Variants in FGD1 observed in about 807,000 individuals in gnomAD.
FGD1 encodes FYVE, RhoGEF and PH domain-containing protein 1.
Under a neutral mutation model 65.0 loss-of-function variants are expected in FGD1, and 12 were observed. The ratio of observed to expected loss-of-function variants is 0.18; its 90% CI spans 0.12 to 0.30. FGD1 has a LOEUF of 0.30. FGD1 is among the 10% of genes least tolerant of loss of function. The probability of loss-of-function intolerance (pLI) is 1.00; values close to 1 mark genes in which losing one functional copy is unlikely to be tolerated. For missense variants in FGD1, 542 were observed against 837.6 expected, an observed-to-expected ratio of 0.65 and a Z score of 4.36; for synonymous variants, 333 against 343.9, an observed-to-expected ratio of 0.97 and a Z score of 0.35.
In FGD1 at chrX:54,468,020, G is replaced by A; in HGVS notation, c.1192-88C>T. ...GGGCAGTATTTGTGGGGAGGCTTGT[G>A]GAGCTTTGGGATCAGCATTGGTCTT... On this transcript the variant is annotated intron_variant, in intron 5 of 17. Transcript: ENST00000375135. 16 of 856,002 alleles carry A rather than the reference G, an allele frequency of 1.9e-5. No individual in the cohort carries two copies. In the South Asian group the frequency reaches 3.3e-4, roughly 18 times the overall value. The allele number at this position is 856,002 out of a possible 1,213,427, so 70.5% of individuals were successfully genotyped here.
chrX:54,452,863 C>T (rs1184768815), intron 12 of FGD1, among the ~76,000 whole-genome samples: 1 of 111,724 alleles, frequency 9.0e-6, no homozygotes, highest in Non-Finnish European at 1.9e-5. Flanking sequence ...AGGTGGGTCC[C>T]AGGCATCCGT....
chrX:54,493,068 A>G (rs1245201573), intron 1 of FGD1, among the ~76,000 whole-genome samples: 1 of 111,037 alleles, frequency 9.0e-6, no homozygotes, highest in Non-Finnish European at 1.9e-5. Context: ...GAATTGGTGG[A>G]TTGGGAAGGC....
chrX:54,465,630 G>C, intron 7 of FGD1, 41 bp from the exon 8 acceptor site: 1 of 1,210,878 alleles, frequency 8.3e-7, no homozygotes, highest in Non-Finnish European at 1.1e-6. Context: ...TCTGGCTGCA[G>C]ATGCCCCACC....
At position 54,451,772 on chromosome X, in the gene FGD1, C is replaced by G. The variant is rs184558896; in HGVS notation, c.2016-1471G>C. 6.8e-3 allele frequency among the ~76,000 whole-genome samples: 726 copies of G among 107,390 alleles called. 5 individuals carry two copies. Among genetic ancestry groups the G allele is most frequent in the African/African-American group, 0.023 (688 of 29,628 alleles). The allele number at this position is 107,390 out of a possible 115,157, so 93.3% of individuals were successfully genotyped here. A position where few individuals can be genotyped will look rare whatever the true frequency, so the allele number is the denominator to read the frequency against. On this transcript the variant is annotated intron_variant, in intron 12 of 17. Coordinates refer to ENST00000375135, the MANE Select transcript of FGD1 (RefSeq NM_004463.3). Reference sequence around the variant, plus strand: ...GGCGTGGTGGCGGGAGCCTATAATCCCAGCTACTTGTGAGGCTGAGGCAGG... The same window carrying G: ...GGCGTGGTGGCGGGAGCCTATAATCGCAGCTACTTGTGAGGCTGAGGCAGG...
At chrX:54,490,302 A>G (rs1464386363) in intron 1 of FGD1, among the ~76,000 whole-genome samples, 1 of 111,517 alleles carries the variant, frequency 9.0e-6, no homozygotes. Flanking sequence ...TTACCCATAT[A>G]ACAAACTTGC....
In FGD1 at chrX:54,470,025, C is replaced by G. The variant is rs763861612; in HGVS notation, c.1092G>C (p.Glu364Asp). The change falls in exon 4 of 18, where the codon GAG becomes GAC. Residue 364 changes from glutamate to aspartate, a missense_variant. By Grantham distance (45) the Glu-to-Asp change is conservative (BLOSUM62 2). Around this residue, in one of 6 missense-constraint regions of FGD1, gnomAD observed 297 missense variants for 326.8 expected, o/e 0.91. Transcript: ENST00000375135. Reference protein sequence around the residue: ...EIPVPLMERQESVELTVQQKV... With the variant: ...EIPVPLMERQDSVELTVQQKV... ...GAACACAGGTCAGTACCTCCACAGA[C>G]TCCTGTCTCTCCATCAGGGGCACTG... is the stretch of plus-strand genomic sequence containing the variant. The G allele has an allele frequency of 8.3e-7, 1 of 1,210,282 alleles. No individual in the cohort carries two copies. The highest frequency in any genetic ancestry group is 1.1e-6 in the Non-Finnish European group (1 of 894,523).
Position 54,495,196 on chromosome X carries a change from G to A in FGD1, c.237C>T (p.Cys79=). The A allele has an allele frequency of 8.4e-7, 1 of 1,189,237 alleles. No homozygotes were observed. Among genetic ancestry groups the A allele is most frequent in the Non-Finnish European group, 1.1e-6 (1 of 884,837 alleles). Residue 79 remains cysteine, a synonymous_variant, in exon 1 of 18, where the codon TGC becomes TGT. Transcript: ENST00000375135. The part of the protein sequence containing the change: ...GAAPGHRVLP[C]GPSPQHHRAL... ...CCCGGTGGTGCTGTGGACTGGGACC[G>A]CAGGGCAAGACCCGGTGGCCTGGAG...
intron 2 of FGD1, 65 bp from the exon 3 acceptor site, chrX:54,470,825 AT>A (rs1461083362): frequency 3.6e-6 from 2 of 548,665 alleles, no homozygotes; most frequent in African/African-American, 4.7e-5. Context: ...CCTGGCTAAC[AT>A]GGTGAAACCC....
chrX:54,446,128 TG>T lies in FGD1; in HGVS notation c.2866del (p.Gln956ArgfsTer25). The T allele has an allele frequency of 8.3e-7, 1 of 1,209,722 alleles. No individual in the cohort carries two copies. On this transcript the variant is annotated frameshift_variant, in exon 18 of 18. Coordinates refer to ENST00000375135, the MANE Select transcript of FGD1 (RefSeq NM_004463.3). LOFTEE classifies it high-confidence loss of function. ...AACCCTCTAGGTCTTGTCTCGGGTCTGGGGGGATTCGGGGGGTTCAGCAGTG... is the reference window on the plus strand; with the variant it reads ...AACCCTCTAGGTCTTGTCTCGGGTCTGGGGGATTCGGGGGGTTCAGCAGTG... ...GATAEPPESP[Q>X]TRDKT
intron 16 of FGD1, 37 bp downstream of exon 16, chrX:54,448,769 C>T: frequency 8.3e-7 from 1 of 1,201,055 alleles, no homozygotes; most frequent in Non-Finnish European, 1.1e-6. Context: ...AACCCATTTG[C>T]CCACTGTGGG....
At chrX:54,477,523 G>A (rs1294376510) in intron 1 of FGD1, among the ~76,000 whole-genome samples, 1 of 109,280 alleles carries the variant, frequency 9.2e-6, no homozygotes, top group Non-Finnish European at 1.9e-5. Flanking sequence ...TCCGACTCCT[G>A]GGTTCAAGCA....
chrX:54,455,583 C>T (rs778778788), intron 11 of FGD1, 56 bp from the exon 12 acceptor site: 35 of 1,094,277 alleles, frequency 3.2e-5, no homozygotes, highest in Non-Finnish European at 4.4e-5. Flanking sequence ...AGGGCCCTAG[C>T]CCTCTGCACA....
chrX:54,473,267 A>G (rs1922936531), intron 1 of FGD1, among the ~76,000 whole-genome samples: 1 of 112,469 alleles, frequency 8.9e-6, no homozygotes, highest in South Asian at 3.6e-4. Context: ...TCACTGAGTC[A>G]CAAAAGATAT....
chrX:54,452,090 G>A (rs766404134), intron 12 of FGD1, among the ~76,000 whole-genome samples: 30 of 105,797 alleles, frequency 2.8e-4, no homozygotes, highest in Middle Eastern at 4.9e-3. Context: ...AACATAGTGA[G>A]ACCTCATCTC....
intron 1 of FGD1, among the ~76,000 whole-genome samples, chrX:54,485,069 G>A (rs1242299259): frequency 8.8e-6 from 1 of 113,076 alleles, no homozygotes; most frequent in East Asian, 2.8e-4. Context: ...CTGCAATTTA[G>A]AAGCTTCTAT....
At chrX:54,449,630 T>C in intron 14 of FGD1, 29 bp downstream of exon 14, 1 of 1,017,120 alleles carries the variant, frequency 9.8e-7, no homozygotes, top group Non-Finnish European at 1.4e-6. Flanking sequence ...GGGGTCCCAG[T>C]GCAGGGGAAA....
intron 1 of FGD1, among the ~76,000 whole-genome samples, chrX:54,488,587 CAACAACAACAA>C (rs1279155929): frequency 1.8e-5 from 2 of 110,773 alleles, no homozygotes; most frequent in Non-Finnish European, 3.8e-5. Flanking sequence ...TCCATCTCAA[CAACAACAACAA>C]AACAACAACA....
Position 54,495,295 on chromosome X carries a change from C to G in FGD1, c.138G>C (p.Arg46Ser). Residue 46 changes from arginine to serine, a missense_variant, in exon 1 of 18, where the codon AGG becomes AGC. By Grantham distance (110) the Arg-to-Ser change is moderately radical (BLOSUM62 -1). Coordinates refer to ENST00000375135, the MANE Select transcript of FGD1 (RefSeq NM_004463.3). ...GGCCGCCAAGAGCCGAACCTGAGCC[C>G]CTGCGCGCCAGCAGTCCGGGTTCCG... ...GASEPGLLAR[R>S]GSGSALGGPL... The G allele has an allele frequency of 1.7e-6, 2 of 1,183,836 alleles. No homozygotes were observed. Among genetic ancestry groups the G allele is most frequent in the Non-Finnish European group, 2.3e-6 (2 of 882,897 alleles).
At chrX:54,457,638 T>G (rs1324183947) in intron 8 of FGD1, among the ~76,000 whole-genome samples, 1 of 111,707 alleles carries the variant, frequency 9.0e-6, no homozygotes. Flanking sequence ...CAAACATGTT[T>G]ATATAGAATG....
Sources: gnomAD v4.1 joint callset for allele counts (sites outside exome capture counted in the v4.1 genomes callset) on GRCh38, gnomAD v4.1.1 for gene constraint, gnomAD v4.1.1 regional missense constraint, MANE v1.5 for transcripts, NCBI Gene and HGNC (gene_info 2026-07-23, HGNC 2026-07-21) for gene names.